IL7: variants seen among roughly 807,000 people sequenced by gnomAD.
IL7 encodes interleukin 7, also known as interleukin-7.
In IL7, 3 loss-of-function variants were observed where a neutral mutation model predicts 21.6. The observed-to-expected ratio is 0.14, with a 90% CI of 0.06 to 0.36. IL7 has a LOEUF of 0.36. Ranked by LOEUF, IL7 falls within the 10% of genes least tolerant of loss-of-function variation. IL7 has a pLI of 1.00. For missense variants in IL7, 175 were observed against 200.2 expected (o/e 0.87, Z 0.76); for synonymous variants, 62 against 68.1 (o/e 0.91, Z 0.44).
intron 2 of IL7, among the ~76,000 whole-genome samples, chr8:78,758,329 T>C (rs1369787976): frequency 1.3e-5 from 2 of 152,140 alleles, no homozygotes; most frequent in Non-Finnish European, 2.9e-5. Flanking sequence ...GAATGTTCTG[T>C]ATATCCTTTG....
rs1810351915 is a variant in IL7, at chr8:78,694,990, T to C, written n.215-9043A>G. ...TTGATTGATAGAGTCATTCTGAAAG[T>C]CTTTATATACCAGTAGACTTTCAGC... On this transcript the variant is annotated intron_variant and non_coding_transcript_variant, in intron 3 of 4. Coordinates refer to the IL7 transcript ENST00000523959. Among the ~76,000 whole-genome samples, 2 of 152,184 alleles carry C rather than the reference T, an allele frequency of 1.3e-5. 1 individual carries two copies.
At chr8:78,764,115 A>C (rs1455573745) in intron 2 of IL7, among the ~76,000 whole-genome samples, 1 of 152,186 alleles carries the variant, frequency 6.6e-6, no homozygotes, top group African/African-American at 2.4e-5. Flanking sequence ...ATATCAATAG[A>C]TGCAGAAAAA....
chr8:78,766,129 A>T (rs1203860971), intron 2 of IL7, among the ~76,000 whole-genome samples: 1 of 152,158 alleles, frequency 6.6e-6, no homozygotes, highest in African/African-American at 2.4e-5. Flanking sequence ...AAAAGGTAAA[A>T]CTAGAGACAG....
intron 4 of IL7, among the ~76,000 whole-genome samples, chr8:78,676,764 T>A (rs1184990520): frequency 2.0e-5 from 3 of 152,018 alleles, no homozygotes; most frequent in African/African-American, 7.2e-5. Context: ...ATTCAATGAT[T>A]TTTTTCTTAT....
chr8:78,739,785 G>A (rs901824149), intron 3 of IL7, among the ~76,000 whole-genome samples: 1 of 151,250 alleles, frequency 6.6e-6, no homozygotes, highest in African/African-American at 2.4e-5. Context: ...GTAAAAAATA[G>A]AATGGTGAAA....
intron 2 of IL7, among the ~76,000 whole-genome samples, chr8:78,793,073 T>C (rs1175672493): frequency 1.3e-5 from 2 of 152,116 alleles, no homozygotes; most frequent in African/African-American, 4.8e-5. Context: ...ACTCCTGTTA[T>C]CATATGGATT....
In IL7 at chr8:78,733,446, G is replaced by A. The variant is rs191263634; in HGVS notation, c.*267C>T. On this transcript the variant is annotated 3_prime_UTR_variant, in exon 6 of 6. Transcript: ENST00000263851. ...TTGCAACTGATACCTTACATGGATT[G>A]TCTTACAAAAATCAGTACAGAATTA... is the stretch of plus-strand genomic sequence containing the variant. 3 of 276,106 alleles carry A rather than the reference G, an allele frequency of 1.1e-5. No individual in the cohort carries two copies. Among genetic ancestry groups the A allele is most frequent in the African/African-American group, 4.5e-5 (2 of 44,618 alleles). 17.1% of individuals were successfully genotyped at this position (276,106 alleles called of 1,614,324 possible). A position where few individuals can be genotyped will look rare whatever the true frequency, so the allele number is the denominator to read the frequency against.
At chr8:78,681,075 C>CTT (rs112732264) in intron 4 of IL7, among the ~76,000 whole-genome samples, 1 of 144,732 alleles carries the variant, frequency 6.9e-6, no homozygotes, top group Middle Eastern at 3.3e-3. Flanking sequence ...AGGCTGTGAC[C>CTT]TTTTTTTTTT....
intron 2 of IL7, among the ~76,000 whole-genome samples, chr8:78,797,114 G>T (rs576411882): frequency 6.6e-6 from 1 of 151,918 alleles, no homozygotes; most frequent in Non-Finnish European, 1.5e-5. Context: ...CATGGGGGAT[G>T]CTTTGATTCA....
intron 2 of IL7, among the ~76,000 whole-genome samples, chr8:78,794,081 C>T (rs1442464392): frequency 6.6e-6 from 1 of 152,026 alleles, no homozygotes; most frequent in Non-Finnish European, 1.5e-5. Flanking sequence ...AGTCTTGAAC[C>T]CCTCAAAGTC....
chr8:78,687,177 A>T (rs759929777), intron 3 of IL7, among the ~76,000 whole-genome samples: 2 of 152,034 alleles, frequency 1.3e-5, no homozygotes, highest in Non-Finnish European at 2.9e-5. Flanking sequence ...TGAGATACCG[A>T]AAAACTTAAA....
At chr8:78,773,212 A>T (rs1288302194) in intron 2 of IL7, among the ~76,000 whole-genome samples, 1 of 152,054 alleles carries the variant, frequency 6.6e-6, no homozygotes, top group East Asian at 1.9e-4. Flanking sequence ...CTACACTCAG[A>T]CTAGGACCAT....
At chr8:78,768,212 A>T (rs1178096587) in intron 2 of IL7, among the ~76,000 whole-genome samples, 1 of 152,108 alleles carries the variant, frequency 6.6e-6, no homozygotes, top group Non-Finnish European at 1.5e-5. Context: ...GCTATTGTGA[A>T]TAGTGCCACA....
intron 2 of IL7, among the ~76,000 whole-genome samples, chr8:78,770,893 T>A (rs943276414): frequency 1.3e-5 from 2 of 152,098 alleles, no homozygotes; most frequent in African/African-American, 4.8e-5. Flanking sequence ...CTGATGGAGA[T>A]AAACTCCTCT....
At chr8:78,743,598 G>C (rs1040113026) in intron 2 of IL7, among the ~76,000 whole-genome samples, 1 of 151,900 alleles carries the variant, frequency 6.6e-6, no homozygotes, top group Non-Finnish European at 1.5e-5. Context: ...CGAAATTCTT[G>C]TAGTGTGTTT....
intron 2 of IL7, among the ~76,000 whole-genome samples, chr8:78,796,402 T>C (rs899748665): frequency 1.3e-5 from 2 of 152,060 alleles, no homozygotes; most frequent in South Asian, 2.1e-4. Context: ...AAAGCTCTGA[T>C]GAAAGTTTGC....
At chr8:78,736,434 A>T in intron 5 of IL7, 40 bp downstream of exon 5, 1 of 1,298,412 alleles carries the variant, frequency 7.7e-7, no homozygotes, top group South Asian at 1.4e-5. Context: ...TTGAGTAAAA[A>T]CCTGATGAAC....
At chr8:78,737,359 C>A (rs1811628769) in intron 4 of IL7, among the ~76,000 whole-genome samples, 1 of 152,042 alleles carries the variant, frequency 6.6e-6, no homozygotes, top group Non-Finnish European at 1.5e-5. Context: ...TACTTTGAAA[C>A]CGCTGTTAAG....
chr8:78,770,383 C>T (rs1259332090), intron 2 of IL7, among the ~76,000 whole-genome samples: 2 of 151,932 alleles, frequency 1.3e-5, no homozygotes, highest in Non-Finnish European at 2.9e-5. Flanking sequence ...AGAGGCTAAC[C>T]TAATTGTATC....
Sources: allele counts gnomAD v4.1 joint callset (sites outside exome capture counted in the v4.1 genomes callset), GRCh38; gene constraint gnomAD v4.1.1; transcripts MANE v1.5; gene names NCBI Gene and HGNC (gene_info 2026-07-23, HGNC 2026-07-21).